The following RANBP17 variants were observed in gnomAD, a reference collection of about 807,000 sequenced individuals.
RANBP17 encodes RAN binding protein 17.
In RANBP17, 158 loss-of-function variants were observed where a neutral mutation model predicts 141.2. The observed-to-expected ratio is 1.12, with a 90% CI of 0.98 to 1.28. RANBP17 has a LOEUF of 1.28. Ranked by LOEUF, RANBP17 falls within the 50% of genes most tolerant of loss-of-function variation. The probability of loss-of-function intolerance (pLI) is 0.00; values close to 1 mark genes in which losing one functional copy is unlikely to be tolerated. For missense variants in RANBP17, 1,438 were observed against 1,290.7 expected, an observed-to-expected ratio of 1.11 and a Z score of -1.75; for synonymous variants, 430 against 450.0, an observed-to-expected ratio of 0.96 and a Z score of 0.56.
intron 8 of RANBP17, among the ~76,000 whole-genome samples, chr5:170,916,098 TATC>T (rs1371792525): frequency 2.0e-5 from 3 of 150,240 alleles, no homozygotes; most frequent in African/African-American, 7.3e-5. Flanking sequence ...TATATTGCAT[TATC>T]ATGCGTTATA....
At chr5:171,268,199 A>T (rs893020669) in intron 25 of RANBP17, among the ~76,000 whole-genome samples, 4 of 152,228 alleles carry the variant, frequency 2.6e-5, no homozygotes, top group African/African-American at 9.6e-5. Context: ...ACAAAGAGAC[A>T]AGTAACTCAC....
At chr5:171,188,958 CAT>C (rs1333981484) in intron 18 of RANBP17, among the ~76,000 whole-genome samples, 1 of 152,162 alleles carries the variant, frequency 6.6e-6, no homozygotes, top group Non-Finnish European at 1.5e-5. Context: ...GAAATAAACA[CAT>C]ATAATTTGAA....
chr5:171,227,050 C>T (rs1012696552), intron 22 of RANBP17, among the ~76,000 whole-genome samples: 2 of 152,158 alleles, frequency 1.3e-5, no homozygotes, highest in African/African-American at 4.8e-5. Flanking sequence ...TATTCTCTGA[C>T]ACAGCAATAT....
chr5:171,021,392 TC>T (rs1272870570), intron 14 of RANBP17, among the ~76,000 whole-genome samples: 1 of 152,240 alleles, frequency 6.6e-6, no homozygotes, highest in African/African-American at 2.4e-5. Context: ...ATTCTCTCTG[TC>T]ACTTTCAGGT....
rs544098681 is a variant in RANBP17 at position 171,008,792 on chromosome 5, A to G, written c.1710+40415A>G. Among the ~76,000 whole-genome samples the G allele has an allele frequency of 4.1e-3, 619 of 152,256 alleles. 5 individuals carry two copies. The highest frequency in any genetic ancestry group is 0.014 in the African/African-American group (597 of 41,578). On this transcript the variant is annotated intron_variant, in intron 14 of 27. Transcript: ENST00000523189. ...CAGTTGCTTCAGGCCATCTGGATGT[A>G]TACAGGCAGGTCACAGGGGATATGA...
intron 12 of RANBP17, among the ~76,000 whole-genome samples, chr5:170,927,617 T>G (rs75574938): frequency 0.03 from 4,604 of 152,158 alleles, 231 homozygotes; most frequent in African/African-American, 0.1. Flanking sequence ...GTTAGGAAAG[T>G]GAGCTCCTTG....
chr5:171,177,254 T>G lies in RANBP17; in HGVS notation c.1866-5913T>G, dbSNP rs2127903159. 4.6e-5 allele frequency among the ~76,000 whole-genome samples: 7 copies of G among 152,286 alleles called. No individual in the cohort carries two copies. In the South Asian group the frequency reaches 1.5e-3, roughly 32 times the overall value. Reference sequence around the variant, plus strand: ...AGAATCAGGTGTAGAATCCTCCCTATTCCTCTTCTGTAGCCCCCTTATTTA... The same window carrying G: ...AGAATCAGGTGTAGAATCCTCCCTAGTCCTCTTCTGTAGCCCCCTTATTTA... On this transcript the variant is annotated intron_variant, in intron 16 of 27. Coordinates refer to ENST00000523189, the MANE Select transcript of RANBP17 (RefSeq NM_022897.5).
At chr5:171,172,587 G>A (rs1760175455) in intron 16 of RANBP17, among the ~76,000 whole-genome samples, 2 of 150,692 alleles carry the variant, frequency 1.3e-5, no homozygotes, top group African/African-American at 4.9e-5. Context: ...TCTAACATAT[G>A]AAGTGGTTTA....
chr5:171,075,548 C>A (rs1581569664), intron 14 of RANBP17, among the ~76,000 whole-genome samples: 1 of 152,114 alleles, frequency 6.6e-6, no homozygotes, highest in African/African-American at 2.4e-5. Context: ...TACAGGGAGG[C>A]TTGGAGAATG....
chr5:171,243,381 A>G (rs1378479402), intron 24 of RANBP17, among the ~76,000 whole-genome samples: 1 of 152,196 alleles, frequency 6.6e-6, no homozygotes, highest in Non-Finnish European at 1.5e-5. Context: ...ATTGCTGAGT[A>G]TTATTCCATT....
chr5:171,063,042 A>G (rs1449335527), intron 14 of RANBP17, among the ~76,000 whole-genome samples: 9 of 151,990 alleles, frequency 5.9e-5, no homozygotes, highest in Admixed American at 2.0e-4. Flanking sequence ...TGTATTGGTT[A>G]TTCTAGTTAT....
At chr5:171,016,313 A>AT (rs527631750) in intron 14 of RANBP17, among the ~76,000 whole-genome samples, 1 of 151,648 alleles carries the variant, frequency 6.6e-6, no homozygotes, top group Non-Finnish European at 1.5e-5. Flanking sequence ...CAAGTTTTAA[A>AT]TTTTTTTGGA....
chr5:170,920,463 T>G (rs1371711167), intron 11 of RANBP17, among the ~76,000 whole-genome samples: 1 of 152,096 alleles, frequency 6.6e-6, no homozygotes, highest in Non-Finnish European at 1.5e-5. Context: ...TCATTGCTAG[T>G]GTGCTAGTCA....
At chr5:171,150,788 A>G (rs907204505) in intron 14 of RANBP17, among the ~76,000 whole-genome samples, 22 of 152,196 alleles carry the variant, frequency 1.4e-4, no homozygotes, top group Admixed American at 7.9e-4. Context: ...GTTTCTGCAT[A>G]AGGAGTCAGA....
intron 25 of RANBP17, chr5:171,271,058 T>A: frequency 6.4e-6 from 1 of 155,054 alleles, no homozygotes; most frequent in South Asian, 2.5e-4. Flanking sequence ...CTTTTCTCCC[T>A]CCTTTTTATG....
chr5:171,039,395 TCA>T (rs2127632185), intron 14 of RANBP17, among the ~76,000 whole-genome samples: 1 of 152,188 alleles, frequency 6.6e-6, no homozygotes, highest in Admixed American at 6.6e-5. Flanking sequence ...AAGTGTCTGT[TCA>T]TGTCTTTTGT....
chr5:170,958,763 GTGA>G (rs1775924501), intron 13 of RANBP17, among the ~76,000 whole-genome samples: 1 of 152,076 alleles, frequency 6.6e-6, no homozygotes. Flanking sequence ...TCCTAACATT[GTGA>G]TGATTTATAA....
intron 5 of RANBP17, 83 bp from the exon 6 acceptor site, chr5:170,909,578 C>CT (rs386405668): frequency 0.35 from 84,098 of 240,032 alleles, 17,534 homozygotes; most frequent in Admixed American, 0.41. Context: ...AGTTTATTTC[C>CT]TTTTTTTTTT....
chr5:171,299,155 C>G lies in RANBP17; in HGVS notation c.*297C>G. ...GTAGAAACAATATTTAACCAAAGAACGTAATAAACCAGGTTTGCACCTAAG... is the reference window on the plus strand; with the variant it reads ...GTAGAAACAATATTTAACCAAAGAAGGTAATAAACCAGGTTTGCACCTAAG... On this transcript the variant is annotated 3_prime_UTR_variant, in exon 28 of 28. Coordinates refer to ENST00000523189, the MANE Select transcript of RANBP17 (RefSeq NM_022897.5). The G allele has an allele frequency of 3.3e-6, 1 of 304,882 alleles. No homozygotes were observed. Among genetic ancestry groups the G allele is most frequent in the Non-Finnish European group, 6.2e-6 (1 of 161,934 alleles). The allele number at this position is 304,882 out of a possible 1,614,324, so 18.9% of individuals were successfully genotyped here.
Sources: allele counts gnomAD v4.1 joint callset (sites outside exome capture counted in the v4.1 genomes callset), GRCh38; gene constraint gnomAD v4.1.1; transcripts MANE v1.5; gene names NCBI Gene and HGNC (gene_info 2026-07-23, HGNC 2026-07-21).